Variants in FLNC observed in about 807,000 individuals in gnomAD.
FLNC encodes filamin-C.
In FLNC, 91 loss-of-function variants were observed where a neutral mutation model predicts 254.3. That is an observed-to-expected ratio of 0.36 (90% CI 0.30 to 0.43). The LOEUF is 0.43. Ranked by LOEUF, FLNC falls within the 20% of genes least tolerant of loss-of-function variation. The probability of loss-of-function intolerance (pLI) is 1.00; values close to 1 mark genes in which losing one functional copy is unlikely to be tolerated. For missense variants in FLNC, 2,853 were observed against 3,802.6 expected (o/e 0.75, Z 6.57); for synonymous variants, 1,430 against 1,577.2 (o/e 0.91, Z 2.21).
In FLNC at chr7:128,853,005, A is replaced by G; in HGVS notation, c.6182A>G (p.Glu2061Gly). 6.2e-7 allele frequency: 1 copy of G among 1,613,350 alleles called. No homozygotes were observed. Among genetic ancestry groups the G allele is most frequent in the East Asian group, 2.2e-5 (1 of 44,878 alleles). ...GAGGGACACACATTCCAGGTGGCAG[A>G]GTTCATCGTGGACACTCGCAATGCA... ...LSEGHTFQVA[E>G]FIVDTRNAGY... Residue 2061 changes from glutamate to glycine, a missense_variant, in exon 37 of 48, where the codon GAG becomes GGG. Glu to Gly is a moderately conservative substitution (Grantham distance 98). Coordinates refer to ENST00000325888, the MANE Select transcript of FLNC (RefSeq NM_001458.5).
intron 35 of FLNC, 46 bp downstream of exon 35, chr7:128,851,674 CG>C (rs745520678): frequency 6.9e-6 from 11 of 1,593,802 alleles, no homozygotes; most frequent in Admixed American, 1.7e-5. Context: ...GCACACACAC[CG>C]CATACAGTGC....
intron 1 of FLNC, 68 bp downstream of exon 1, chr7:128,831,057 T>C: frequency 6.7e-7 from 1 of 1,487,748 alleles, no homozygotes; most frequent in Non-Finnish European, 9.2e-7. Context: ...GGGGCACAGG[T>C]GCGGGGTGGG....
Position 128,836,109 on chromosome 7 carries a change from G to A in FLNC, c.601+535G>A, listed in dbSNP as rs920958417. On this transcript the variant is annotated intron_variant, in intron 2 of 47. Coordinates refer to ENST00000325888, the MANE Select transcript of FLNC (RefSeq NM_001458.5). This position sits in a 1 kb window ranked among gnomAD's most constrained non-coding sequence, Gnocchi z 6.0. ...GAGGCCAGTGGGGCACTGCCTGGTG[G>A]CAGGTGAGCCAGCCTTGCCCCTTCT... Among the ~76,000 whole-genome samples, 15 of 152,200 alleles carry A rather than the reference G, an allele frequency of 9.9e-5. No homozygotes were observed.
chr7:128,851,138 G>A (rs1432707902), intron 33 of FLNC, 94 bp from the exon 34 acceptor site: 1 of 1,594,422 alleles, frequency 6.3e-7, no homozygotes, highest in Non-Finnish European at 8.6e-7. Context: ...AGACGGAGGG[G>A]GTTGGCAGGG....
At chr7:128,855,079 G>A in intron 42 of FLNC, 120 bp from the exon 43 acceptor site, 2 of 1,055,106 alleles carry the variant, frequency 1.9e-6, no homozygotes, top group Non-Finnish European at 2.9e-6. Context: ...AGAAACATGT[G>A]TCTGCCTCCA....
rs1433702062 is a variant in FLNC, at chr7:128,854,697, G to A, written c.6997+15G>A. The stretch of plus-strand genomic sequence containing the variant: ...CGGCGTGCCAGGTAAGGGGCAGGTG[G>A]CCAGGAGTGGGGATGAAGTCAGGGC... On this transcript the variant is annotated intron_variant, in intron 41 of 47. Coordinates refer to ENST00000325888, the MANE Select transcript of FLNC (RefSeq NM_001458.5). 6.2e-7 allele frequency: 1 copy of A among 1,612,454 alleles called. No individual in the cohort carries two copies. The highest frequency in any genetic ancestry group is 8.5e-7 in the Non-Finnish European group (1 of 1,179,410).
rs1489943713 is a variant in FLNC at position 128,857,987 on chromosome 7, C to G, written c.7781-21C>G. 2 of 1,452,778 alleles carry G rather than the reference C, an allele frequency of 1.4e-6. No homozygotes were observed. Among genetic ancestry groups the G allele is most frequent in the Admixed American group, 3.7e-5 (2 of 54,224 alleles). The allele number at this position is 1,452,778 out of a possible 1,614,324, so 90.0% of individuals were successfully genotyped here. Reference sequence around the variant, plus strand: ...GGAAGCCCTTCTGACTAGGTTTGTGCCCCCTCCACCCACCCCTCAGGTCCG... The same window carrying G: ...GGAAGCCCTTCTGACTAGGTTTGTGGCCCCTCCACCCACCCCTCAGGTCCG... On this transcript the variant is annotated intron_variant, in intron 46 of 47. Coordinates refer to ENST00000325888, the MANE Select transcript of FLNC (RefSeq NM_001458.5). This position sits in a 1 kb window ranked among gnomAD's most constrained non-coding sequence, Gnocchi z 4.5.
chr7:128,855,302 C>A lies in FLNC; in HGVS notation c.7239C>A (p.Val2413=), dbSNP rs1201305142. 2 of 1,610,152 alleles carry A rather than the reference C, an allele frequency of 1.2e-6. No homozygotes were observed. Among genetic ancestry groups the A allele is most frequent in the South Asian group, 1.1e-5 (1 of 90,994 alleles). Residue 2413 remains valine (V), a synonymous_variant, in exon 43 of 48, where the codon GTC becomes GTA. Coordinates refer to ENST00000325888, the MANE Select transcript of FLNC (RefSeq NM_001458.5). The part of the protein sequence containing the change: ...SLSDDARRLT[V]TSLQETGLKV... ...CGGATGACGCTCGCCGTCTCACTGT[C>A]ACCAGCCTCCAGGTTTGTGCCCAGG...
chr7:128,838,574 G>C, intron 7 of FLNC, 29 bp from the exon 8 acceptor site: 3 of 1,612,262 alleles, frequency 1.9e-6, no homozygotes, highest in Non-Finnish European at 2.5e-6. Flanking sequence ...TGTGTCCAGA[G>C]TGGTGCTGAC....
chr7:128,850,861 C>T lies in FLNC; in HGVS notation c.5457C>T (p.Asp1819=), dbSNP rs376660713. Residue 1819 remains aspartate (D), a synonymous_variant, in exon 33 of 48, where the codon GAC becomes GAT. Coordinates refer to ENST00000325888, the MANE Select transcript of FLNC (RefSeq NM_001458.5). ...TARPNITDNK[D]GTITVRYAPT... ...GGCCCAACATCACCGACAACAAGGA[C>T]GGCACCATCACGGTGAGGTATGCAC... 10 of 1,613,510 alleles carry T rather than the reference C, an allele frequency of 6.2e-6. No individual in the cohort carries two copies. The highest frequency in any genetic ancestry group is 1.1e-5 in the South Asian group (1 of 91,022).
At position 128,837,526 on chromosome 7, in the gene FLNC, G is replaced by A. The variant is rs753795226; in HGVS notation, c.828G>A (p.Lys276=). ...TTCGATCCAAGCAGCTGAACCCCAAGAAAGCCATCGCCTATGGGCCTGGTA... is the reference window on the plus strand; with the variant it reads ...TTCGATCCAAGCAGCTGAACCCCAAAAAAGCCATCGCCTATGGGCCTGGTA... ...APVRSKQLNP[K]KAIAYGPGIE... Residue 276 remains lysine, a synonymous_variant, in exon 4 of 48, where the codon AAG becomes AAA. Transcript: ENST00000325888. 6.2e-7 allele frequency: 1 copy of A among 1,614,174 alleles called. No individual in the cohort carries two copies.
rs1808113965 is a variant in FLNC at position 128,836,935 on chromosome 7, C to G, written c.602-225C>G. ...AGGGCTGGTGCCAGGCTGCGTCAGC[C>G]AGGGCAGAAAGGCTTCATTGTTGGT... On this transcript the variant is annotated intron_variant, in intron 2 of 47. Coordinates refer to ENST00000325888, the MANE Select transcript of FLNC (RefSeq NM_001458.5). The surrounding 1 kb of genome is among the most constrained non-coding windows in gnomAD (Gnocchi z 6.0). 6.6e-6 allele frequency among the ~76,000 whole-genome samples: 1 copy of G among 152,194 alleles called. No individual in the cohort carries two copies. Among genetic ancestry groups the G allele is most frequent in the Non-Finnish European group, 1.5e-5 (1 of 68,040 alleles).
In FLNC at chr7:128,849,367, A is replaced by G; in HGVS notation, c.4988A>G (p.Glu1663Gly). ...CLGPRIQIGQ[E>G]TVITVDAKAA... is the part of the protein sequence containing the mutation. The stretch of plus-strand genomic sequence containing the variant: ...GGCCCTCGAATCCAGATTGGGCAGG[A>G]GACGGTGATCACGGTGGATGCCAAG... Residue 1663 changes from glutamate (E) to glycine (G), a missense_variant, in exon 30 of 48, where the codon GAG (glutamate) becomes GGG (glycine). Physicochemically the swap from Glu to Gly is moderately conservative, Grantham distance 98. This residue lies in a region of FLNC where 258 missense variants were observed against 312.3 expected (regional missense o/e 0.83). Coordinates refer to ENST00000325888, the MANE Select transcript of FLNC (RefSeq NM_001458.5). 1.9e-6 allele frequency: 3 copies of G among 1,614,094 alleles called. No homozygotes were observed. The highest frequency in any genetic ancestry group is 2.5e-6 in the Non-Finnish European group (3 of 1,180,034).
chr7:128,852,116 G>A (rs185180340), intron 35 of FLNC, among the ~76,000 whole-genome samples: 1,798 of 152,134 alleles, frequency 0.012, 17 homozygotes, highest in Non-Finnish European at 0.019. Flanking sequence ...CACCTGCCTC[G>A]GCCTCCCAAA....
Position 128,840,825 on chromosome 7 carries a change from T to C in FLNC, c.1677-9T>C, listed in dbSNP as rs1808301214. The C allele has an allele frequency of 1.2e-6, 2 of 1,613,524 alleles. No individual in the cohort carries two copies. The highest frequency in any genetic ancestry group is 2.2e-5 in the South Asian group (2 of 91,058). ...TCCTGGCATGGACACCAGCTCCCTC[T>C]CTGCCCAGCCCCTTTGAGGTACAGG... is the stretch of plus-strand genomic sequence containing the variant. On this transcript the variant is annotated splice_polypyrimidine_tract_variant and intron_variant, in intron 10 of 47. Coordinates refer to ENST00000325888, the MANE Select transcript of FLNC (RefSeq NM_001458.5).
chr7:128,837,637 G>C lies in FLNC; in HGVS notation c.851G>C (p.Gly284Ala). ...CCTGGGCTCTGCTCCTGCCCCGTAG[G>C]CATCGAGCCACAGGGCAACACCGTG... is the stretch of plus-strand genomic sequence containing the variant. ...NPKKAIAYGP[G>A]IEPQGNTVLQ... Residue 284 changes from glycine (G) to alanine (A), a missense_variant and splice_region_variant, in exon 5 of 48, where the codon GGC (glycine) becomes GCC (alanine). By Grantham distance (60) the Gly-to-Ala change is moderately conservative. Around this residue, in one of 10 missense-constraint regions of FLNC, gnomAD observed 1,573 missense variants for 1,883.5 expected, o/e 0.84. Coordinates refer to ENST00000325888, the MANE Select transcript of FLNC (RefSeq NM_001458.5). 1 of 1,612,402 alleles carries C rather than the reference G, an allele frequency of 6.2e-7. No homozygotes were observed.
At chr7:128,851,100 A>G (rs767657192) in intron 33 of FLNC, 132 bp from the exon 34 acceptor site, 8 of 1,529,042 alleles carry the variant, frequency 5.2e-6, no homozygotes, top group Non-Finnish European at 7.2e-6. Flanking sequence ...TGGGAAGCAG[A>G]CCTCCACCAG....
Position 128,838,442 on chromosome 7 carries a change from C to T in FLNC, c.1210+13C>T, listed in dbSNP as rs775741829. The stretch of plus-strand genomic sequence containing the variant: ...ATCTACACTGCGGGTAGGACGGGCC[C>T]CAGGGGGTGCAGGTGGAAAGCCCCT... On this transcript the variant is annotated intron_variant, in intron 7 of 47. Coordinates refer to ENST00000325888, the MANE Select transcript of FLNC (RefSeq NM_001458.5). The T allele has an allele frequency of 3.7e-6, 6 of 1,613,476 alleles. No homozygotes were observed. Among genetic ancestry groups the T allele is most frequent in the Middle Eastern group, 1.6e-4 (1 of 6,080 alleles).
chr7:128,830,997 C>G lies in FLNC; in HGVS notation c.352+8C>G, dbSNP rs780084616. 5.5e-5 allele frequency: 88 copies of G among 1,603,826 alleles called. No homozygotes were observed. The highest frequency in any genetic ancestry group is 6.4e-5 in the Non-Finnish European group (75 of 1,179,304). ...TCAAGCTCGTGTCCATAGGTCAGTG[C>G]CGGGGGCGAGGGCACGGGCGCTGCG... On this transcript the variant is annotated splice_region_variant and intron_variant, in intron 1 of 47. Coordinates refer to ENST00000325888, the MANE Select transcript of FLNC (RefSeq NM_001458.5).
Sources: gnomAD v4.1 joint callset for allele counts (sites outside exome capture counted in the v4.1 genomes callset) on GRCh38, gnomAD v4.1.1 for gene constraint, gnomAD v4.1.1 regional missense constraint, Gnocchi (gnomAD v3.1) non-coding constraint, MANE v1.5 for transcripts, NCBI Gene and HGNC (gene_info 2026-07-23, HGNC 2026-07-21) for gene names.